The following PRKACB variants were observed in gnomAD, a reference collection of about 807,000 sequenced individuals.
PRKACB encodes protein kinase cAMP-activated catalytic subunit beta, also known as cAMP-dependent protein kinase catalytic subunit beta.
A neutral mutation model predicts 51.4 loss-of-function variants in PRKACB; 16 were observed. The observed-to-expected ratio is 0.31, with a 90% CI of 0.21 to 0.47. The LOEUF (loss-of-function observed/expected upper bound fraction) is 0.47, where lower values mean the gene tolerates loss of function less well. PRKACB is among the 20% of genes least tolerant of loss of function. The probability of loss-of-function intolerance (pLI) is 1.00; values close to 1 mark genes in which losing one functional copy is unlikely to be tolerated. For synonymous variants in PRKACB, 147 were observed against 154.4 expected (o/e 0.95, Z 0.35); for missense variants, 309 against 464.5 (o/e 0.67, Z 3.08).
intron 1 of PRKACB, among the ~76,000 whole-genome samples, chr1:84,149,530 G>A (rs2100631316): frequency 6.6e-6 from 1 of 152,204 alleles, no homozygotes; most frequent in South Asian, 2.1e-4. Context: ...CAAAGTGCTG[G>A]GAATACAGGC....
chr1:84,232,941 T>C (rs1675980294), intron 9 of PRKACB, among the ~76,000 whole-genome samples: 1 of 152,106 alleles, frequency 6.6e-6, no homozygotes, highest in Admixed American at 6.5e-5. Context: ...TATGTGTGAA[T>C]TTGATCCTGT....
chr1:84,175,622 A>T (rs562589992), intron 1 of PRKACB, among the ~76,000 whole-genome samples: 1 of 151,910 alleles, frequency 6.6e-6, no homozygotes, highest in Non-Finnish European at 1.5e-5. Flanking sequence ...TAAACTTTAA[A>T]ATCTGATTTT....
At chr1:84,112,719 T>C (rs980749561) in intron 1 of PRKACB, among the ~76,000 whole-genome samples, 19 of 152,208 alleles carry the variant, frequency 1.2e-4, no homozygotes, top group Admixed American at 1.2e-3. Context: ...TAAAGGGGAC[T>C]CTAATTCACA....
intron 7 of PRKACB, among the ~76,000 whole-genome samples, chr1:84,200,385 C>A (rs956216712): frequency 6.6e-6 from 1 of 152,106 alleles, no homozygotes; most frequent in Non-Finnish European, 1.5e-5. Context: ...GGATATTAGA[C>A]CTTTGGCAGA....
At chr1:84,211,171 A>G (rs544532491) in intron 8 of PRKACB, among the ~76,000 whole-genome samples, 1 of 151,604 alleles carries the variant, frequency 6.6e-6, no homozygotes, top group Non-Finnish European at 1.5e-5. Flanking sequence ...GTTCAAGACC[A>G]TCACTTTATT....
At chr1:84,102,993 G>A (rs916174722) in intron 1 of PRKACB, among the ~76,000 whole-genome samples, 1 of 152,130 alleles carries the variant, frequency 6.6e-6, no homozygotes, top group African/African-American at 2.4e-5. Flanking sequence ...TAGTTCACAA[G>A]TCTTTAGATT....
chr1:84,197,843 C>T lies in PRKACB; in HGVS notation c.783+19C>T. 4.6e-6 allele frequency: 7 copies of T among 1,531,928 alleles called. No individual in the cohort carries two copies. The highest frequency in any genetic ancestry group is 2.3e-5 in the East Asian group (1 of 43,880). 94.9% of individuals were successfully genotyped at this position (1,531,928 alleles called of 1,614,324 possible). A position where few individuals can be genotyped will look rare whatever the true frequency, so the allele number is the denominator to read the frequency against. Reference sequence around the variant, plus strand: ...CAGCAAGGTATATTCATAATATCAACACATAAGAAGTAGAAATATGAGACA... The same window carrying T: ...CAGCAAGGTATATTCATAATATCAATACATAAGAAGTAGAAATATGAGACA... On this transcript the variant is annotated intron_variant, in intron 7 of 9. Coordinates refer to ENST00000370685, the MANE Select transcript of PRKACB (RefSeq NM_182948.4).
chr1:84,122,710 T>C (rs1479044935), intron 1 of PRKACB, among the ~76,000 whole-genome samples: 1 of 152,202 alleles, frequency 6.6e-6, no homozygotes, highest in Non-Finnish European at 1.5e-5. Flanking sequence ...TTTGGAATTA[T>C]ATGGGGGATC....
chr1:84,165,019 T>A, intron 1 of PRKACB: 1 of 1,528,416 alleles, frequency 6.5e-7, no homozygotes, highest in Non-Finnish European at 8.9e-7. Flanking sequence ...GAGTGGTAAG[T>A]ATGCTCTCTG....
intron 9 of PRKACB, among the ~76,000 whole-genome samples, chr1:84,225,619 G>C (rs1257910873): frequency 6.6e-6 from 1 of 152,114 alleles, no homozygotes; most frequent in African/African-American, 2.4e-5. Context: ...TTGGGTCCTG[G>C]GGGTGGGTGT....
At chr1:84,092,645 T>C (rs1291217207) in intron 1 of PRKACB, among the ~76,000 whole-genome samples, 1 of 152,182 alleles carries the variant, frequency 6.6e-6, no homozygotes, top group Non-Finnish European at 1.5e-5. Flanking sequence ...TCACAGATCA[T>C]GTGGTTCTGG....
rs376772639 is a variant in PRKACB at position 84,127,869 on chromosome 1, T to C, written c.46+49498T>C. On this transcript the variant is annotated intron_variant, in intron 1 of 8. Coordinates refer to the PRKACB transcript ENST00000370688. Reference sequence around the variant, plus strand: ...CATAAAATTATTTTAAGGATAAATATGTACTTAGTGGGAATTTTTTGTTTA... The same window carrying C: ...CATAAAATTATTTTAAGGATAAATACGTACTTAGTGGGAATTTTTTGTTTA... Among the ~76,000 whole-genome samples, 162 of 152,166 alleles carry C rather than the reference T, an allele frequency of 1.1e-3. 4 individuals are homozygous for C. The East Asian group carries it at 0.022, about 20-fold the overall frequency.
At chr1:84,179,119 T>G in intron 1 of PRKACB, 58 bp from the exon 2 acceptor site, 1 of 1,481,544 alleles carries the variant, frequency 6.7e-7, no homozygotes, top group South Asian at 1.3e-5. Flanking sequence ...ATAAATATTC[T>G]TATACAGAAT....
intron 1 of PRKACB, among the ~76,000 whole-genome samples, chr1:84,163,040 A>G (rs371988893): frequency 6.7e-6 from 1 of 148,348 alleles, no homozygotes; most frequent in African/African-American, 2.4e-5. Flanking sequence ...TCTTATTCTA[A>G]TTTTTATTTT....
chr1:84,175,743 T>TC (rs1661018239), intron 1 of PRKACB: 1 of 1,480,756 alleles, frequency 6.8e-7, no homozygotes, highest in South Asian at 1.3e-5. Context: ...CTTTTTTTTT[T>TC]CATCTCTTGA....
intron 1 of PRKACB, among the ~76,000 whole-genome samples, chr1:84,115,886 CAAAAAAAAAAAAAAAAAA>C: frequency 3.1e-5 from 2 of 63,842 alleles, no homozygotes; most frequent in South Asian, 9.0e-4. Context: ...ACTCTTGTCT[CAAAAAAAAAAAAAAAAAA>C]AAAAAAAAAA....
intron 1 of PRKACB, among the ~76,000 whole-genome samples, chr1:84,104,330 T>C (rs952904801): frequency 6.6e-6 from 1 of 152,190 alleles, no homozygotes; most frequent in Non-Finnish European, 1.5e-5. Context: ...TATGTCTAAA[T>C]AGTAGGTCAT....
chr1:84,186,864 G>A (rs1188821502), intron 5 of PRKACB, among the ~76,000 whole-genome samples: 1 of 152,094 alleles, frequency 6.6e-6, no homozygotes, highest in East Asian at 1.9e-4. Flanking sequence ...AGTCCAGCCA[G>A]CATCGAGTTC....
chr1:84,213,174 A>G (rs1031593283), intron 8 of PRKACB, among the ~76,000 whole-genome samples: 11 of 152,182 alleles, frequency 7.2e-5, no homozygotes, highest in African/African-American at 2.7e-4. Flanking sequence ...ACATGTGTGC[A>G]TACATATGTA....
Sources: gnomAD v4.1 joint callset for allele counts (sites outside exome capture counted in the v4.1 genomes callset) on GRCh38, gnomAD v4.1.1 for gene constraint, MANE v1.5 for transcripts, NCBI Gene and HGNC (gene_info 2026-07-23, HGNC 2026-07-21) for gene names.